Variants in ARHGAP10 observed in about 807,000 individuals in gnomAD.
The protein encoded by ARHGAP10 is Rho GTPase activating protein 10.
Under a neutral mutation model 108.6 loss-of-function variants are expected in ARHGAP10, and 87 were observed. The observed-to-expected ratio is 0.80, with a 90% CI of 0.67 to 0.96. ARHGAP10 has a LOEUF of 0.96. ARHGAP10 is among the 40% of genes least tolerant of loss of function. ARHGAP10 has a pLI of 0.00. For missense variants in ARHGAP10, 939 were observed against 954.5 expected (o/e 0.98, Z 0.21); for synonymous variants, 347 against 341.1 (o/e 1.02, Z -0.19).
intron 18 of ARHGAP10, among the ~76,000 whole-genome samples, chr4:148,014,185 A>G (rs1741268663): frequency 6.6e-6 from 1 of 152,242 alleles, no homozygotes; most frequent in South Asian, 2.1e-4. Flanking sequence ...ACTGAAATGT[A>G]AACTTTTTGT....
intron 22 of ARHGAP10, 37 bp downstream of exon 22, chr4:148,064,544 C>T: frequency 1.3e-6 from 2 of 1,542,598 alleles, no homozygotes; most frequent in South Asian, 2.2e-5. Context: ...TTAATCCTGT[C>T]CGCAGGATTA....
At position 147,732,543 on chromosome 4, in the gene ARHGAP10, C is replaced by T. The variant is rs1032333556; in HGVS notation, c.154+88C>T. The stretch of plus-strand genomic sequence containing the variant: ...CGGCAGGAGACGGAGGGTCTTGTGT[C>T]CGGGGCCAGCAGCCAGAGGAACGGG... On this transcript the variant is annotated intron_variant, in intron 1 of 22. Coordinates refer to ENST00000336498, the MANE Select transcript of ARHGAP10 (RefSeq NM_024605.4). 6 of 1,541,172 alleles carry T rather than the reference C, an allele frequency of 3.9e-6. No homozygotes were observed. In the Admixed American group the frequency reaches 5.4e-5, roughly 14 times the overall value.
intron 1 of ARHGAP10, among the ~76,000 whole-genome samples, chr4:147,810,341 A>T (rs1056614239): frequency 9.9e-5 from 15 of 152,228 alleles, no homozygotes; most frequent in Admixed American, 6.5e-4. Context: ...TGTGAATTGC[A>T]TTCATTGTTC....
chr4:147,735,968 A>G (rs1021302418), intron 1 of ARHGAP10, among the ~76,000 whole-genome samples: 1 of 152,250 alleles, frequency 6.6e-6, no homozygotes, highest in African/African-American at 2.4e-5. Flanking sequence ...GCAATAAACC[A>G]TATATGCTTT....
chr4:147,942,349 A>T (rs1328588659), intron 14 of ARHGAP10, among the ~76,000 whole-genome samples: 1 of 152,142 alleles, frequency 6.6e-6, no homozygotes, highest in African/African-American at 2.4e-5. Flanking sequence ...TTGAGAGCTA[A>T]TTATTTACTT....
intron 17 of ARHGAP10, 119 bp from the exon 18 acceptor site, chr4:147,966,561 G>T: frequency 2.3e-6 from 2 of 880,096 alleles, no homozygotes; most frequent in Admixed American, 5.4e-5. Flanking sequence ...GGTAGATGTT[G>T]AGGGTGGTTA....
intron 22 of ARHGAP10, among the ~76,000 whole-genome samples, chr4:148,070,377 C>G (rs1271568476): frequency 1.3e-5 from 2 of 152,164 alleles, no homozygotes; most frequent in Non-Finnish European, 2.9e-5. Flanking sequence ...AAGCCAGAAG[C>G]TTACTGAATG....
At position 148,072,292 on chromosome 4, in the gene ARHGAP10, G is replaced by A; in HGVS notation, c.*211G>A. ...TGTGATTGTGGATCAGGAGGGGAAT[G>A]TCAGGATTCGCAAAATGGACTTTTC... is the stretch of plus-strand genomic sequence containing the variant. On this transcript the variant is annotated 3_prime_UTR_variant, in exon 23 of 23. Transcript: ENST00000336498. 2.2e-6 allele frequency: 1 copy of A among 447,928 alleles called. No individual in the cohort carries two copies. Among genetic ancestry groups the A allele is most frequent in the Non-Finnish European group, 3.9e-6 (1 of 256,194 alleles). 27.7% of individuals were successfully genotyped at this position (447,928 alleles called of 1,614,324 possible).
At chr4:147,879,100 G>A in intron 8 of ARHGAP10, 132 bp from the exon 9 acceptor site, 1 of 651,420 alleles carries the variant, frequency 1.5e-6, no homozygotes, top group South Asian at 2.4e-5. Flanking sequence ...TAGCAGTATT[G>A]CTGATTTGTT....
chr4:147,851,632 C>T (rs1379766427), intron 4 of ARHGAP10, among the ~76,000 whole-genome samples: 2 of 152,120 alleles, frequency 1.3e-5, no homozygotes, highest in East Asian at 1.9e-4. Flanking sequence ...AGAGCAGAAA[C>T]AATATTGATT....
At chr4:147,798,011 A>C (rs1226736632) in intron 1 of ARHGAP10, among the ~76,000 whole-genome samples, 1 of 152,174 alleles carries the variant, frequency 6.6e-6, no homozygotes, top group African/African-American at 2.4e-5. Context: ...ATCGAGGACC[A>C]AGAATTGTGA....
intron 18 of ARHGAP10, among the ~76,000 whole-genome samples, chr4:147,980,200 A>G (rs1739758019): frequency 6.6e-6 from 1 of 152,102 alleles, no homozygotes; most frequent in South Asian, 2.1e-4. Context: ...ATTTTGAGGT[A>G]TCTTCTTTCA....
intron 4 of ARHGAP10, chr4:147,854,886 C>G: frequency 1.0e-6 from 1 of 984,600 alleles, no homozygotes; most frequent in South Asian, 4.7e-5. Context: ...TAAATTCTTT[C>G]TTCATAAAGG....
At chr4:148,057,334 G>A (rs7689751) in intron 20 of ARHGAP10, among the ~76,000 whole-genome samples, 3,483 of 152,192 alleles carry the variant, frequency 0.023, 144 homozygotes, top group African/African-American at 0.075. Flanking sequence ...TGAATATCCC[G>A]GTACTTGCAT....
At chr4:147,870,838 A>T (rs1734786216) in intron 7 of ARHGAP10, among the ~76,000 whole-genome samples, 1 of 152,166 alleles carries the variant, frequency 6.6e-6, no homozygotes, top group African/African-American at 2.4e-5. Context: ...TCCCTAGAAG[A>T]TAACAAGAAT....
chr4:147,746,002 C>T lies in ARHGAP10; in HGVS notation c.154+13547C>T, dbSNP rs181842587. Among the ~76,000 whole-genome samples the T allele has an allele frequency of 3.5e-3, 510 of 146,872 alleles. 5 individuals are homozygous for T. Among genetic ancestry groups the T allele is most frequent in the African/African-American group, 0.012 (480 of 39,538 alleles). On this transcript the variant is annotated intron_variant, in intron 1 of 22. Coordinates refer to ENST00000336498, the MANE Select transcript of ARHGAP10 (RefSeq NM_024605.4). Reference sequence around the variant, plus strand: ...ATGGGGTTTCACCATGTTGGTCAGGCTTATCTCGAACTCCTGACCTCGTGA... The same window carrying T: ...ATGGGGTTTCACCATGTTGGTCAGGTTTATCTCGAACTCCTGACCTCGTGA...
At chr4:147,796,437 G>A (rs1396640025) in intron 1 of ARHGAP10, among the ~76,000 whole-genome samples, 9 of 152,108 alleles carry the variant, frequency 5.9e-5, no homozygotes, top group African/African-American at 1.9e-4. Context: ...AGACAACAAC[G>A]GAGCTTCCTC....
At chr4:148,001,398 C>A (rs968882721) in intron 18 of ARHGAP10, among the ~76,000 whole-genome samples, 10 of 152,118 alleles carry the variant, frequency 6.6e-5, no homozygotes, top group African/African-American at 1.7e-4. Flanking sequence ...GCAATGCGGG[C>A]CCTTTTTTGG....
At chr4:147,982,646 C>T (rs1363602052) in intron 18 of ARHGAP10, among the ~76,000 whole-genome samples, 1 of 149,508 alleles carries the variant, frequency 6.7e-6, no homozygotes, top group African/African-American at 2.5e-5. Flanking sequence ...AGCAGTCCTC[C>T]TGCCTTGGTG....
Sources: gnomAD v4.1 joint callset for allele counts (sites outside exome capture counted in the v4.1 genomes callset) on GRCh38, gnomAD v4.1.1 for gene constraint, MANE v1.5 for transcripts, NCBI Gene and HGNC (gene_info 2026-07-23, HGNC 2026-07-21) for gene names.